Variants in TBCD observed in about 807,000 individuals in gnomAD.
The protein encoded by TBCD is tubulin folding cofactor D, also known as tubulin-specific chaperone D.
TBCD carries 105 observed loss-of-function variants against 169.3 expected under a neutral mutation model. The ratio of observed to expected loss-of-function variants is 0.62; its 90% CI spans 0.53 to 0.73. The LOEUF is 0.73. Ranked by LOEUF, TBCD falls within the 30% of genes least tolerant of loss-of-function variation. The probability of loss-of-function intolerance (pLI) is 0.00; values close to 1 mark genes in which losing one functional copy is unlikely to be tolerated. For missense variants in TBCD, 1,444 were observed against 1,600.1 expected (o/e 0.90, Z 1.66); for synonymous variants, 700 against 643.9 (o/e 1.09, Z -1.32).
At chr17:82,883,455 A>T (rs2058511030) in intron 14 of TBCD, among the ~76,000 whole-genome samples, 1 of 152,256 alleles carries the variant, frequency 6.6e-6, no homozygotes, top group Non-Finnish European at 1.5e-5. Flanking sequence ...ACAAGAGGAC[A>T]TAATGAAGCC....
intron 6 of TBCD, among the ~76,000 whole-genome samples, 200 bp from the exon 7 acceptor site, chr17:82,781,389 A>G (rs1377016440): frequency 3.5e-4 from 53 of 151,634 alleles, no homozygotes; most frequent in Admixed American, 3.5e-3. Context: ...GGCCCTGGTC[A>G]GGGCAGCGAC....
At chr17:82,834,296 C>T (rs2053777094) in intron 13 of TBCD, among the ~76,000 whole-genome samples, 1 of 152,148 alleles carries the variant, frequency 6.6e-6, no homozygotes, top group African/African-American at 2.4e-5. Context: ...GCAGCTGGGC[C>T]TGGAGCGACT....
Position 82,942,478 on chromosome 17 carries a change from C to T in TBCD, c.*15C>T. The stretch of plus-strand genomic sequence containing the variant: ...GTGCCTGCTGAAGCCAGTCCTGGAG[C>T]CCATACCTCACCCCTGCCTGGTGAG... On this transcript the variant is annotated 3_prime_UTR_variant, in exon 39 of 39. Coordinates refer to ENST00000355528, the MANE Select transcript of TBCD (RefSeq NM_005993.5). 6.2e-7 allele frequency: 1 copy of T among 1,613,952 alleles called. No homozygotes were observed. The highest frequency in any genetic ancestry group is 8.5e-7 in the Non-Finnish European group (1 of 1,179,888).
At chr17:82,830,632 G>T in intron 13 of TBCD, 1 of 1,614,042 alleles carries the variant, frequency 6.2e-7, no homozygotes, top group Non-Finnish European at 8.5e-7. Flanking sequence ...CGGAGCCTGG[G>T]TGTTACAGGG....
intron 14 of TBCD, among the ~76,000 whole-genome samples, chr17:82,872,963 C>A (rs867132711): frequency 8.6e-5 from 13 of 150,676 alleles, no homozygotes; most frequent in Admixed American, 2.7e-4. Context: ...TCGTGGCCGA[C>A]GGCTTCTGAG....
chr17:82,830,862 G>T, intron 13 of TBCD: 1 of 1,612,656 alleles, frequency 6.2e-7, no homozygotes, highest in Non-Finnish European at 8.5e-7. Flanking sequence ...GAGGGTCTCC[G>T]TTCACAACAT....
intron 20 of TBCD, 50 bp downstream of exon 20, chr17:82,906,103 T>C: frequency 7.1e-7 from 1 of 1,399,844 alleles, no homozygotes; most frequent in Non-Finnish European, 9.9e-7. Context: ...CCTGATCCCC[T>C]CACCATGTAA....
intron 13 of TBCD, among the ~76,000 whole-genome samples, chr17:82,857,373 A>G (rs1231033826): frequency 1.3e-5 from 2 of 152,148 alleles, no homozygotes; most frequent in Non-Finnish European, 2.9e-5. Context: ...CTTATCAGAT[A>G]TATCATTTGC....
intron 23 of TBCD, among the ~76,000 whole-genome samples, chr17:82,919,886 A>G (rs1338265529): frequency 6.6e-6 from 1 of 152,194 alleles, no homozygotes; most frequent in Non-Finnish European, 1.5e-5. Flanking sequence ...CACGGTGACA[A>G]AAAATGGAAG....
intron 12 of TBCD, among the ~76,000 whole-genome samples, chr17:82,813,746 G>A (rs1466421686): frequency 6.6e-6 from 1 of 152,190 alleles, no homozygotes; most frequent in Non-Finnish European, 1.5e-5. Flanking sequence ...GTGAAAATAC[G>A]CAAGGGGCTC....
intron 13 of TBCD, among the ~76,000 whole-genome samples, chr17:82,844,532 CA>C (rs768950077): frequency 6.2e-4 from 94 of 152,134 alleles, no homozygotes; most frequent in Non-Finnish European, 1.1e-3. Flanking sequence ...TCCTGTGGAT[CA>C]GGGGGAGTCT....
rs114276421 is a variant in TBCD at position 82,903,501 on chromosome 17, C to T, written c.1804+23C>T. The T allele has an allele frequency of 1.5e-3, 2,428 of 1,573,766 alleles. 34 individuals carry two copies. The African/African-American group carries it at 0.029, about 19-fold the overall frequency. On this transcript the variant is annotated intron_variant, in intron 19 of 38. Coordinates refer to ENST00000355528, the MANE Select transcript of TBCD (RefSeq NM_005993.5). This position sits in a 1 kb window ranked among gnomAD's most constrained non-coding sequence, Gnocchi z 4.8. ...AAGGTGGGTGTGTGTCCCGGCCGGC[C>T]TGCGGGCACCATGCATGCACTGCAG... is the stretch of plus-strand genomic sequence containing the variant.
intron 12 of TBCD, among the ~76,000 whole-genome samples, chr17:82,814,317 C>T (rs990720392): frequency 7.2e-5 from 11 of 152,160 alleles, no homozygotes; most frequent in Admixed American, 5.9e-4. Context: ...TCTATGGGAG[C>T]GTGGGTGTTG....
Position 82,835,162 on chromosome 17 carries a change from G to A in TBCD, c.1318+20228G>A, listed in dbSNP as rs1052758550. Among the ~76,000 whole-genome samples the A allele has an allele frequency of 6.6e-6, 1 of 152,288 alleles. No individual in the cohort carries two copies. Among genetic ancestry groups the A allele is most frequent in the South Asian group, 2.1e-4 (1 of 4,826 alleles). On this transcript the variant is annotated intron_variant, in intron 13 of 38. Transcript: ENST00000355528. This position sits in a 1 kb window ranked among gnomAD's most constrained non-coding sequence, Gnocchi z 4.5. ...ATGTGCCCATTCTTGAGTCTGTGAGGTTTTATGTGTAGACATCAGGGTGGC... is the reference window on the plus strand; with the variant it reads ...ATGTGCCCATTCTTGAGTCTGTGAGATTTTATGTGTAGACATCAGGGTGGC...
chr17:82,855,205 A>G (rs1423364652), intron 13 of TBCD, among the ~76,000 whole-genome samples: 1 of 116,520 alleles, frequency 8.6e-6, no homozygotes, highest in Non-Finnish European at 1.7e-5. Flanking sequence ...TCAAGACTGA[A>G]TTTTCCAGAG....
intron 7 of TBCD, among the ~76,000 whole-genome samples, chr17:82,794,265 A>T (rs560430719): frequency 2.6e-5 from 4 of 151,796 alleles, no homozygotes; most frequent in East Asian, 1.9e-4. Flanking sequence ...AGGGGGGGGA[A>T]GCTGGCTCGC....
chr17:82,790,837 C>G (rs1322080279), intron 7 of TBCD, among the ~76,000 whole-genome samples: 1 of 152,136 alleles, frequency 6.6e-6, no homozygotes, highest in Non-Finnish European at 1.5e-5. Flanking sequence ...CAGAGCTGTG[C>G]CACCCCCACC....
chr17:82,867,025 G>T (rs1042429294), intron 13 of TBCD, among the ~76,000 whole-genome samples: 1 of 152,242 alleles, frequency 6.6e-6, no homozygotes, highest in African/African-American at 2.4e-5. Flanking sequence ...CTGCACAGCT[G>T]TCTCTGGGTG....
At chr17:82,940,153 T>G (rs1006509549) in intron 37 of TBCD, among the ~76,000 whole-genome samples, 4 of 151,794 alleles carry the variant, frequency 2.6e-5, no homozygotes, top group African/African-American at 9.7e-5. Context: ...GGAACAGCAG[T>G]GATGGTGTCT....
Sources: allele counts gnomAD v4.1 joint callset (sites outside exome capture counted in the v4.1 genomes callset), GRCh38; gene constraint gnomAD v4.1.1; non-coding constraint Gnocchi (gnomAD v3.1); transcripts MANE v1.5; gene names NCBI Gene and HGNC (gene_info 2026-07-23, HGNC 2026-07-21).